Variants in DNM3 observed in about 807,000 individuals in gnomAD.
DNM3 encodes the protein dynamin 3, also known as dynamin-3.
In DNM3, 47 loss-of-function variants were observed where a neutral mutation model predicts 101.6. The observed-to-expected ratio is 0.46, with a 90% CI of 0.37 to 0.59. The LOEUF is 0.59. DNM3 is among the 20% of genes least tolerant of loss of function. DNM3 has a pLI of 0.00. For synonymous variants in DNM3, 385 were observed against 387.9 expected (o/e 0.99, Z 0.09); for missense variants, 849 against 1,085.7 (o/e 0.78, Z 3.06).
chr1:172,015,855 T>G (rs1405185094), intron 4 of DNM3, among the ~76,000 whole-genome samples: 1 of 152,002 alleles, frequency 6.6e-6, no homozygotes, highest in Non-Finnish European at 1.5e-5. Context: ...CTGATGTCAG[T>G]GGGAAAGCTT....
At chr1:172,315,343 A>G (rs1389389772) in intron 16 of DNM3, among the ~76,000 whole-genome samples, 1 of 152,176 alleles carries the variant, frequency 6.6e-6, no homozygotes, top group Non-Finnish European at 1.5e-5. Context: ...CCTCTCCTCC[A>G]AAGGAACGCA....
chr1:171,982,549 C>T (rs1241364256), intron 2 of DNM3, among the ~76,000 whole-genome samples: 1 of 152,068 alleles, frequency 6.6e-6, no homozygotes, highest in African/African-American at 2.4e-5. Context: ...TCCAGATAGG[C>T]TGGGCAGGTC....
At chr1:171,872,462 A>G (rs985131523) in intron 1 of DNM3, among the ~76,000 whole-genome samples, 9 of 152,210 alleles carry the variant, frequency 5.9e-5, no homozygotes, top group African/African-American at 1.9e-4. Context: ...AGTGCTAGGC[A>G]TATTGGACCT....
chr1:172,027,617 C>CACACACACAGAG (rs34981346), intron 4 of DNM3, among the ~76,000 whole-genome samples: 160 of 147,124 alleles, frequency 1.1e-3, no homozygotes, highest in African/African-American at 3.9e-3. Context: ...CACACACACA[C>CACACACACAGAG]AGAGAGAGAG....
At chr1:172,347,381 A>T (rs938429505) in intron 17 of DNM3, among the ~76,000 whole-genome samples, 4 of 152,194 alleles carry the variant, frequency 2.6e-5, no homozygotes, top group African/African-American at 9.7e-5. Flanking sequence ...ACCTTCAGAG[A>T]TGAGATATTT....
At chr1:172,390,455 G>C (rs1309386937) in intron 20 of DNM3, among the ~76,000 whole-genome samples, 2 of 152,126 alleles carry the variant, frequency 1.3e-5, no homozygotes, top group African/African-American at 4.8e-5. Flanking sequence ...CATCAGTACT[G>C]ACGTTTTTGT....
Position 172,409,081 on chromosome 1 carries a change from G to A in DNM3, c.*1240G>A, listed in dbSNP as rs2071072696. 2.0e-6 allele frequency: 2 copies of A among 985,222 alleles called. No individual in the cohort carries two copies. The highest frequency in any genetic ancestry group is 2.4e-6 in the Non-Finnish European group (2 of 829,896). The allele number at this position is 985,222 out of a possible 1,614,324, so 61.0% of individuals were successfully genotyped here. A position where few individuals can be genotyped will look rare whatever the true frequency, so the allele number is the denominator to read the frequency against. On this transcript the variant is annotated 3_prime_UTR_variant, in exon 21 of 21. Transcript: ENST00000627582. ...TTTACCAGAACAGTTTAGCCTGGGG[G>A]TTAATAGTTAAGTCTTGAGGCTAAG...
chr1:172,218,352 A>T (rs1286836366), intron 14 of DNM3, among the ~76,000 whole-genome samples: 3 of 151,732 alleles, frequency 2.0e-5, no homozygotes, highest in African/African-American at 7.2e-5. Context: ...TTTTTTTTTT[A>T]AAGTGAAAGA....
chr1:172,216,755 G>GCA (rs144275284), intron 14 of DNM3, among the ~76,000 whole-genome samples: 3,017 of 147,332 alleles, frequency 0.02, 96 homozygotes, highest in African/African-American at 0.065. Flanking sequence ...ACACACACAT[G>GCA]CACACACACA....
At chr1:172,046,845 T>G (rs1256589923) in intron 9 of DNM3, among the ~76,000 whole-genome samples, 3 of 152,140 alleles carry the variant, frequency 2.0e-5, no homozygotes, top group Non-Finnish European at 2.9e-5. Context: ...CAAATTACAT[T>G]TTTTGGGGTC....
chr1:171,960,662 A>G (rs1444979239), intron 2 of DNM3, among the ~76,000 whole-genome samples: 1 of 152,198 alleles, frequency 6.6e-6, no homozygotes, highest in Non-Finnish European at 1.5e-5. Flanking sequence ...GAGCAGATAC[A>G]TTAGGAGAGC....
chr1:172,000,930 T>C (rs562322661), intron 4 of DNM3, among the ~76,000 whole-genome samples: 1 of 152,156 alleles, frequency 6.6e-6, no homozygotes, highest in Admixed American at 6.5e-5. Flanking sequence ...TATAACTTGT[T>C]TGTGTTTTGA....
chr1:171,880,625 A>G (rs1454092077), intron 1 of DNM3, among the ~76,000 whole-genome samples: 1 of 152,208 alleles, frequency 6.6e-6, no homozygotes, highest in Non-Finnish European at 1.5e-5. Flanking sequence ...TACTGTCAAG[A>G]TAACTAGTCT....
chr1:172,121,502 T>C (rs532010595), intron 13 of DNM3, among the ~76,000 whole-genome samples: 2 of 152,330 alleles, frequency 1.3e-5, no homozygotes, highest in African/African-American at 4.8e-5. Flanking sequence ...GGCTAATGTT[T>C]TGGAAGCGAA....
At chr1:171,986,628 T>C (rs981500837) in intron 2 of DNM3, among the ~76,000 whole-genome samples, 2 of 148,568 alleles carry the variant, frequency 1.3e-5, no homozygotes, top group Non-Finnish European at 3.0e-5. Context: ...AATTGCCACA[T>C]CTGGCTTTTT....
chr1:172,272,736 C>A (rs2063134366), intron 15 of DNM3, among the ~76,000 whole-genome samples: 1 of 152,104 alleles, frequency 6.6e-6, no homozygotes, highest in Non-Finnish European at 1.5e-5. Flanking sequence ...ATGGCAGCAA[C>A]TAAATATTTA....
intron 2 of DNM3, among the ~76,000 whole-genome samples, chr1:171,942,764 T>C (rs1216363197): frequency 1.3e-5 from 2 of 152,122 alleles, no homozygotes; most frequent in African/African-American, 4.8e-5. Flanking sequence ...TTCCTGGAGC[T>C]GAAAGGGTGA....
rs535106775 is a variant in DNM3 at position 172,317,406 on chromosome 1, A to G, written c.1882-5923A>G. On this transcript the variant is annotated intron_variant, in intron 16 of 20. Coordinates refer to ENST00000627582, the MANE Select transcript of DNM3 (RefSeq NM_015569.5). ...CTAAAATCAGAGCAGAACTGAAGGA[A>G]ATAGAGACAAAAAAAATCCTTCAAA... Among the ~76,000 whole-genome samples the G allele has an allele frequency of 1.4e-4, 22 of 152,244 alleles. No individual in the cohort carries two copies. In the East Asian group the frequency reaches 3.5e-3, roughly 24 times the overall value.
intron 1 of DNM3, among the ~76,000 whole-genome samples, chr1:171,862,741 C>G (rs2034309567): frequency 6.6e-6 from 1 of 151,920 alleles, no homozygotes; most frequent in Admixed American, 6.6e-5. Flanking sequence ...TAAATTATAT[C>G]TCAATTAAAA....
Sources: allele counts gnomAD v4.1 joint callset (sites outside exome capture counted in the v4.1 genomes callset), GRCh38; gene constraint gnomAD v4.1.1; transcripts MANE v1.5; gene names NCBI Gene and HGNC (gene_info 2026-07-23, HGNC 2026-07-21).